Variants in AKAP8 observed in about 807,000 individuals in gnomAD.
AKAP8 encodes the protein A-kinase anchoring protein 8.
A neutral mutation model predicts 67.5 loss-of-function variants in AKAP8; 24 were observed. The ratio of observed to expected loss-of-function variants is 0.36; its 90% CI spans 0.26 to 0.50. The LOEUF (loss-of-function observed/expected upper bound fraction) is 0.50. Ranked by LOEUF, AKAP8 falls within the 20% of genes least tolerant of loss-of-function variation. AKAP8 has a pLI of 0.97. For missense variants in AKAP8, 971 were observed against 955.9 expected (o/e 1.02, Z -0.21); for synonymous variants, 400 against 371.1 (o/e 1.08, Z -0.90).
intron 9 of AKAP8, among the ~76,000 whole-genome samples, chr19:15,364,823 T>C (rs1484857181): frequency 6.6e-6 from 1 of 151,668 alleles, no homozygotes; most frequent in Non-Finnish European, 1.5e-5. Context: ...TTCACTGTAT[T>C]GCTCAGGCTG....
At chr19:15,377,594 G>C (rs899298989) in intron 1 of AKAP8, among the ~76,000 whole-genome samples, 1 of 152,038 alleles carries the variant, frequency 6.6e-6, no homozygotes, top group East Asian at 1.9e-4. Flanking sequence ...TCAGCCTCCC[G>C]AGTAGCTGGG....
chr19:15,374,438 C>T (rs1967217248), intron 3 of AKAP8, among the ~76,000 whole-genome samples, 165 bp downstream of exon 3: 1 of 152,198 alleles, frequency 6.6e-6, no homozygotes, highest in African/African-American at 2.4e-5. Context: ...CCCACCACAG[C>T]CCTCTGCAGT....
rs1484013530 is a variant in AKAP8, at chr19:15,375,656, A to T, written c.59-1021T>A. Among the ~76,000 whole-genome samples the T allele has an allele frequency of 1.8e-3, 199 of 108,020 alleles. 1 individual carries two copies. The highest frequency in any genetic ancestry group is 2.8e-3 in the Non-Finnish European group (149 of 53,178). The allele number at this position is 108,020 out of a possible 152,430, so 70.9% of individuals were successfully genotyped here. On this transcript the variant is annotated intron_variant, in intron 2 of 13. Transcript: ENST00000269701. The stretch of plus-strand genomic sequence containing the variant: ...ATTTTTTTTTTGTTTTTTTTTTTTG[A>T]GATGGAGTCTCGCTCTGTTGCATGG...
At chr19:15,372,458 T>C in intron 5 of AKAP8, 111 bp from the exon 6 acceptor site, 1 of 1,417,060 alleles carries the variant, frequency 7.1e-7, no homozygotes, top group South Asian at 1.3e-5. Context: ...AAAGGTCTTT[T>C]CAAAAAGCAA....
chr19:15,368,827 A>C, intron 8 of AKAP8: 1 of 985,276 alleles, frequency 1.0e-6, no homozygotes, highest in East Asian at 1.1e-4. Context: ...CAGGTCTGAC[A>C]GTCCTTGCTG....
intron 3 of AKAP8, 72 bp downstream of exon 3, chr19:15,374,531 G>T: frequency 6.4e-7 from 1 of 1,560,166 alleles, no homozygotes; most frequent in South Asian, 1.2e-5. Context: ...CTCCCTGACG[G>T]GCTGACCCGC....
chr19:15,369,015 A>G lies in AKAP8; in HGVS notation c.1073-693T>C. The G allele has an allele frequency of 2.0e-6, 2 of 985,926 alleles. No individual in the cohort carries two copies. Among genetic ancestry groups the G allele is most frequent in the African/African-American group, 1.7e-5 (1 of 57,364 alleles). The allele number at this position is 985,926 out of a possible 1,614,324, so 61.1% of individuals were successfully genotyped here. A position where few individuals can be genotyped will look rare whatever the true frequency, so the allele number is the denominator to read the frequency against. Reference sequence around the variant, plus strand: ...GCGGCCATCATCCCAGCATGAGGCCAGGGACGGACGCTGAAAAAAGGTTGG... The same window carrying G: ...GCGGCCATCATCCCAGCATGAGGCCGGGGACGGACGCTGAAAAAAGGTTGG... On this transcript the variant is annotated intron_variant, in intron 8 of 13. Transcript: ENST00000269701. The surrounding 1 kb of genome is among the most constrained non-coding windows in gnomAD (Gnocchi z 4.6).
chr19:15,372,200 C>G lies in AKAP8; in HGVS notation c.991+18G>C. Reference sequence around the variant, plus strand: ...CCCATCCTACATCTGTCTGGCCCACCTGGCCCCCAGGACATACCATTTTCG... The same window carrying G: ...CCCATCCTACATCTGTCTGGCCCACGTGGCCCCCAGGACATACCATTTTCG... On this transcript the variant is annotated intron_variant, in intron 6 of 13. Coordinates refer to ENST00000269701, the MANE Select transcript of AKAP8 (RefSeq NM_005858.4). The G allele has an allele frequency of 6.2e-7, 1 of 1,613,642 alleles. No individual in the cohort carries two copies. Among genetic ancestry groups the G allele is most frequent in the African/African-American group, 1.3e-5 (1 of 75,060 alleles).
In AKAP8 at chr19:15,369,540, C is replaced by T. The variant is rs568266989; in HGVS notation, c.1072+606G>A. Among the ~76,000 whole-genome samples the T allele has an allele frequency of 6.6e-6, 1 of 152,366 alleles. No individual in the cohort carries two copies. The highest frequency in any genetic ancestry group is 1.9e-4 in the East Asian group (1 of 5,178). On this transcript the variant is annotated intron_variant, in intron 8 of 13. Coordinates refer to ENST00000269701, the MANE Select transcript of AKAP8 (RefSeq NM_005858.4). This position sits in a 1 kb window ranked among gnomAD's most constrained non-coding sequence, Gnocchi z 4.6. Reference sequence around the variant, plus strand: ...CTCTGCCATGAGGGATTTAAGCCTGCTCTGCTGTTGCTGCAGACCCTCTGG... The same window carrying T: ...CTCTGCCATGAGGGATTTAAGCCTGTTCTGCTGTTGCTGCAGACCCTCTGG...
At chr19:15,356,148 C>T (rs1462742414) in intron 13 of AKAP8, among the ~76,000 whole-genome samples, 5 of 152,018 alleles carry the variant, frequency 3.3e-5, no homozygotes, top group Non-Finnish European at 5.9e-5. Context: ...CACCTGTAAT[C>T]CCAGCACTTT....
At chr19:15,366,582 A>G (rs1041245354) in intron 9 of AKAP8, among the ~76,000 whole-genome samples, 4 of 149,970 alleles carry the variant, frequency 2.7e-5, no homozygotes, top group African/African-American at 9.9e-5. Context: ...CCCACGCTGG[A>G]GTGCAGTAGC....
rs1407725216 is a variant in AKAP8 at position 15,368,748 on chromosome 19, G to A, written c.1073-426C>T. On this transcript the variant is annotated intron_variant, in intron 8 of 13. Transcript: ENST00000269701. Reference sequence around the variant, plus strand: ...CAGGAAGTGAAGCAGCTGCTCCGCCGCCCTCTATCCCACCTCTAGGTGGAC... The same window carrying A: ...CAGGAAGTGAAGCAGCTGCTCCGCCACCCTCTATCCCACCTCTAGGTGGAC... 1.1e-5 allele frequency: 11 copies of A among 985,346 alleles called. No homozygotes were observed. In the South Asian group the frequency reaches 2.8e-4, roughly 25 times the overall value. 61.0% of individuals were successfully genotyped at this position (985,346 alleles called of 1,614,324 possible).
At chr19:15,375,860 G>A (rs10418468) in intron 2 of AKAP8, among the ~76,000 whole-genome samples, 5,846 of 151,504 alleles carry the variant, frequency 0.039, 365 homozygotes, top group African/African-American at 0.13. Context: ...GGATGGTCTC[G>A]ATCTCCTGAC....
intron 1 of AKAP8, among the ~76,000 whole-genome samples, chr19:15,378,690 G>A (rs949022489): frequency 3.9e-5 from 6 of 152,096 alleles, no homozygotes; most frequent in African/African-American, 1.5e-4. Context: ...TCTCAAGATC[G>A]ACAACTTCTC....
rs1000203417 is a variant in AKAP8, at chr19:15,353,848, C to T, written c.*1067G>A. 1 of 152,126 alleles carries T rather than the reference C, an allele frequency of 6.6e-6. No individual in the cohort carries two copies. Among genetic ancestry groups the T allele is most frequent in the African/African-American group, 2.4e-5 (1 of 41,416 alleles). The allele number at this position is 152,126 out of a possible 1,614,324, so 9.4% of individuals were successfully genotyped here. On this transcript the variant is annotated 3_prime_UTR_variant, in exon 14 of 14. Transcript: ENST00000269701. The stretch of plus-strand genomic sequence containing the variant: ...AATTCTGTTGCGTGCTAACCTTGAA[C>T]ACATGCTAGCCTCCCTTTCTCAGAT...
chr19:15,374,455 A>T, intron 3 of AKAP8, 148 bp downstream of exon 3: 1 of 946,884 alleles, frequency 1.1e-6, no homozygotes, highest in Non-Finnish European at 1.5e-6. Context: ...CAGTCCCCCC[A>T]TATACACAAC....
chr19:15,355,397 C>T (rs765983271), intron 13 of AKAP8, 27 bp from the exon 14 acceptor site: 70 of 1,593,640 alleles, frequency 4.4e-5, no homozygotes, highest in East Asian at 1.1e-4. Context: ...CACCGGTCAG[C>T]GTGGTGTAAG....
At chr19:15,365,495 G>A (rs1475791846) in intron 9 of AKAP8, among the ~76,000 whole-genome samples, 2 of 152,146 alleles carry the variant, frequency 1.3e-5, no homozygotes, top group African/African-American at 2.4e-5. Flanking sequence ...TGGTGTAGGG[G>A]TGCAGGCCCT....
intron 9 of AKAP8, among the ~76,000 whole-genome samples, chr19:15,363,686 G>A (rs966481364): frequency 8.5e-5 from 13 of 152,264 alleles, no homozygotes; most frequent in African/African-American, 3.1e-4. Flanking sequence ...AACGGGCCAT[G>A]ATGACAATGG....
Sources: allele counts gnomAD v4.1 joint callset (sites outside exome capture counted in the v4.1 genomes callset), GRCh38; gene constraint gnomAD v4.1.1; non-coding constraint Gnocchi (gnomAD v3.1); transcripts MANE v1.5; gene names NCBI Gene and HGNC (gene_info 2026-07-23, HGNC 2026-07-21).